STXBP6: variants seen among roughly 807,000 people sequenced by gnomAD.
STXBP6 encodes syntaxin binding protein 6.
STXBP6 carries 21 observed loss-of-function variants against 26.9 expected under a neutral mutation model. That is an observed-to-expected ratio of 0.78 (90% CI 0.55 to 1.12). The LOEUF (loss-of-function observed/expected upper bound fraction) is 1.12, where lower values mean the gene tolerates loss of function less well. Ranked by LOEUF, STXBP6 falls within the 50% of genes most tolerant of loss-of-function variation. The pLI is 0.00. For synonymous variants in STXBP6, 97 were observed against 92.6 expected (o/e 1.05, Z -0.27); for missense variants, 232 against 257.9 (o/e 0.90, Z 0.69).
At chr14:24,985,432 A>G (rs1266788228) in intron 1 of STXBP6, among the ~76,000 whole-genome samples, 1 of 152,178 alleles carries the variant, frequency 6.6e-6, no homozygotes, top group Non-Finnish European at 1.5e-5. Context: ...CTTAAATATG[A>G]AAGGCACATT....
At chr14:24,828,463 T>C (rs548229754) in intron 4 of STXBP6, among the ~76,000 whole-genome samples, 1 of 152,222 alleles carries the variant, frequency 6.6e-6, no homozygotes, top group Non-Finnish European at 1.5e-5. Flanking sequence ...GCTTTATTGA[T>C]TTTAATTAGT....
rs148057001 is a variant in STXBP6 at position 25,045,322 on chromosome 14, T to C, written c.-33+4556A>G. ...TCTCTACAAGAGGAAAAAAAAATAA[T>C]AGGCAGTGCTTCCCAAATGGATTTG... On this transcript the variant is annotated intron_variant, in intron 1 of 5. Coordinates refer to ENST00000323944, the MANE Select transcript of STXBP6 (RefSeq NM_001394410.1). 4.2e-3 allele frequency among the ~76,000 whole-genome samples: 637 copies of C among 152,140 alleles called. 4 individuals are homozygous for C. The highest frequency in any genetic ancestry group is 0.014 in the African/African-American group (578 of 41,532).
intron 2 of STXBP6, among the ~76,000 whole-genome samples, chr14:24,915,491 C>G (rs963132271): frequency 2.6e-5 from 4 of 152,138 alleles, no homozygotes; most frequent in Admixed American, 1.3e-4. Context: ...CTGGTTCTTA[C>G]TTAGCAAAAA....
At chr14:25,032,156 T>G (rs2140471086) in intron 1 of STXBP6, among the ~76,000 whole-genome samples, 1 of 152,312 alleles carries the variant, frequency 6.6e-6, no homozygotes, top group East Asian at 1.9e-4. Context: ...CCAGCCACTT[T>G]GCGCATGGTC....
intron 4 of STXBP6, among the ~76,000 whole-genome samples, chr14:24,853,278 T>G (rs854323): frequency 0.078 from 11,919 of 152,110 alleles, 564 homozygotes; most frequent in East Asian, 0.19. Flanking sequence ...AATTTTGAAG[T>G]CTCAGAAGTG....
rs34132743 is a variant in STXBP6 at position 24,964,647 on chromosome 14, CTGTGTGTGTGTGTG to C, written c.154+10004_154+10017del. Among the ~76,000 whole-genome samples the C allele has an allele frequency of 7.1e-4, 100 of 140,212 alleles. 1 individual carries two copies. The highest frequency in any genetic ancestry group is 2.4e-3 in the African/African-American group (88 of 37,296). The allele number at this position is 140,212 out of a possible 152,430, so 92.0% of individuals were successfully genotyped here. A position where few individuals can be genotyped will look rare whatever the true frequency, so the allele number is the denominator to read the frequency against. ...TGACAGAGCTAGTACAGTTCTCATT[CTGTGTGTGTGTGTG>C]TGTGTGTGTGTGTGTGTGTGTATGT... On this transcript the variant is annotated intron_variant, in intron 2 of 5. Coordinates refer to ENST00000323944, the MANE Select transcript of STXBP6 (RefSeq NM_001394410.1).
intron 1 of STXBP6, among the ~76,000 whole-genome samples, chr14:25,018,222 T>C (rs1207989297): frequency 2.0e-5 from 3 of 152,180 alleles, no homozygotes; most frequent in Non-Finnish European, 4.4e-5. Flanking sequence ...CCATTGCCCG[T>C]GGCTTCTGAC....
intron 1 of STXBP6, among the ~76,000 whole-genome samples, chr14:24,997,434 C>G (rs2074633039): frequency 6.6e-6 from 1 of 152,212 alleles, no homozygotes; most frequent in Non-Finnish European, 1.5e-5. Context: ...CCAATTCCTA[C>G]TCAATCAAAC....
intron 4 of STXBP6, among the ~76,000 whole-genome samples, chr14:24,820,123 A>G (rs2138754159): frequency 6.6e-6 from 1 of 152,386 alleles, no homozygotes; most frequent in South Asian, 2.1e-4. Context: ...AAGGAAATTT[A>G]TAGCTGTATT....
chr14:25,026,964 AGCATGCATACAT>A (rs1405826073), intron 1 of STXBP6, among the ~76,000 whole-genome samples: 13 of 152,246 alleles, frequency 8.5e-5, no homozygotes, highest in African/African-American at 3.1e-4. Context: ...ACTGATTGCA[AGCATGCATACAT>A]GCATGCATAC....
At chr14:24,959,557 T>C (rs2073459664) in intron 2 of STXBP6, among the ~76,000 whole-genome samples, 1 of 152,228 alleles carries the variant, frequency 6.6e-6, no homozygotes, top group Non-Finnish European at 1.5e-5. Flanking sequence ...GACTTAACGT[T>C]TATCTTCAGG....
At chr14:24,837,045 T>C (rs1594935956) in intron 4 of STXBP6, among the ~76,000 whole-genome samples, 2 of 152,338 alleles carry the variant, frequency 1.3e-5, no homozygotes, top group East Asian at 3.9e-4. Context: ...GACATAATTA[T>C]TAGAGGTTAC....
intron 2 of STXBP6, among the ~76,000 whole-genome samples, chr14:24,906,290 T>C (rs1160569885): frequency 6.6e-6 from 1 of 152,172 alleles, no homozygotes; most frequent in Non-Finnish European, 1.5e-5. Flanking sequence ...TAAAGACATA[T>C]TAATGATATT....
At chr14:24,980,114 G>A (rs946080869) in intron 1 of STXBP6, among the ~76,000 whole-genome samples, 1 of 152,176 alleles carries the variant, frequency 6.6e-6, no homozygotes, top group South Asian at 2.1e-4. Context: ...CAAAACAGAT[G>A]TTATTATATA....
intron 2 of STXBP6, among the ~76,000 whole-genome samples, chr14:24,960,505 T>C (rs2073496167): frequency 1.3e-5 from 2 of 152,240 alleles, no homozygotes; most frequent in Non-Finnish European, 2.9e-5. Context: ...CAATTATATT[T>C]TAAATTTTAA....
chr14:24,886,858 C>T (rs1481988764), intron 2 of STXBP6, among the ~76,000 whole-genome samples: 1 of 152,202 alleles, frequency 6.6e-6, no homozygotes, highest in Non-Finnish European at 1.5e-5. Flanking sequence ...TTTCCCAACT[C>T]CTAGTCAAGC....
intron 2 of STXBP6, among the ~76,000 whole-genome samples, chr14:24,933,400 A>C (rs1181487489): frequency 6.6e-6 from 1 of 152,090 alleles, no homozygotes; most frequent in Non-Finnish European, 1.5e-5. Context: ...GCACATATAC[A>C]TAGAAAGGAG....
At position 24,819,048 on chromosome 14, in the gene STXBP6, T is replaced by C. The variant is rs2068064061; in HGVS notation, c.598A>G (p.Thr200Ala). The C allele has an allele frequency of 3.1e-6, 5 of 1,592,930 alleles. No individual in the cohort carries two copies. Among genetic ancestry groups the C allele is most frequent in the Non-Finnish European group, 4.3e-6 (5 of 1,166,214 alleles). Residue 200 changes from threonine to alanine, a missense_variant, in exon 5 of 6, where the codon ACT becomes GCT. Thr to Ala is a moderately conservative substitution (Grantham distance 58). Coordinates refer to ENST00000323944, the MANE Select transcript of STXBP6 (RefSeq NM_001394410.1). Reference sequence around the variant, plus strand: ...CTCTCTTGGCCCACCTTGTGCGCAGTTTCTGCAAACTGCTGGGCGCTGTTC... The same window carrying C: ...CTCTCTTGGCCCACCTTGTGCGCAGCTTCTGCAAACTGCTGGGCGCTGTTC... ...LKNSAQQFAE[T>A]AHKLAMKHKC
At chr14:24,990,659 C>CAAA (rs1211659589) in intron 1 of STXBP6, among the ~76,000 whole-genome samples, 2,688 of 57,242 alleles carry the variant, frequency 0.047, 120 homozygotes, top group Non-Finnish European at 0.069. Context: ...AACTCCATCT[C>CAAA]AAAAAAAAAA....
Sources: gnomAD v4.1 joint callset for allele counts (sites outside exome capture counted in the v4.1 genomes callset) on GRCh38, gnomAD v4.1.1 for gene constraint, MANE v1.5 for transcripts, NCBI Gene and HGNC (gene_info 2026-07-23, HGNC 2026-07-21) for gene names.